ADGRL2: variants seen among roughly 807,000 people sequenced by gnomAD.
The protein encoded by ADGRL2 is adhesion G protein-coupled receptor L2, also known as calcium-independent alpha-latrotoxin receptor 2.
ADGRL2 carries 44 observed loss-of-function variants against 157.4 expected under a neutral mutation model. That is an observed-to-expected ratio of 0.28 (90% confidence interval 0.22 to 0.36). The LOEUF is 0.36. ADGRL2 is among the 10% of genes least tolerant of loss of function. ADGRL2 has a pLI of 1.00. For synonymous variants in ADGRL2, 585 were observed against 624.7 expected (o/e 0.94, Z 0.95); for missense variants, 1,510 against 1,768.9 (o/e 0.85, Z 2.63).
intron 2 of ADGRL2, among the ~76,000 whole-genome samples, chr1:81,545,734 A>G (rs1426836280): frequency 6.6e-6 from 1 of 152,208 alleles, no homozygotes; most frequent in Non-Finnish European, 1.5e-5. Context: ...AATTTTCCAA[A>G]GTTCACATGG....
chr1:81,317,423 G>A (rs549261904), intron 1 of ADGRL2, among the ~76,000 whole-genome samples: 4 of 152,216 alleles, frequency 2.6e-5, no homozygotes, highest in South Asian at 4.2e-4. Flanking sequence ...GTCTGATTGC[G>A]ATGGCATTCC....
At chr1:81,933,044 T>C (rs2095257545) in intron 3 of ADGRL2, among the ~76,000 whole-genome samples, 1 of 152,162 alleles carries the variant, frequency 6.6e-6, no homozygotes, top group South Asian at 2.1e-4. Flanking sequence ...ATAGTGGTGC[T>C]GTTGGTATGA....
intron 1 of ADGRL2, among the ~76,000 whole-genome samples, chr1:81,716,881 G>A (rs12129647): frequency 0.63 from 95,639 of 151,972 alleles, 30,353 homozygotes; most frequent in Non-Finnish European, 0.66. Flanking sequence ...CAACTCCACT[G>A]TATTCCATTT....
In ADGRL2 at chr1:81,315,485, T is replaced by C. The variant is rs1660042643; in HGVS notation, c.-302+8976T>C. Among the ~76,000 whole-genome samples the C allele has an allele frequency of 2.0e-5, 3 of 152,124 alleles. No homozygotes were observed. The South Asian group carries it at 6.2e-4, about 31-fold the overall frequency. On this transcript the variant is annotated intron_variant, in intron 1 of 24. Coordinates refer to the ADGRL2 transcript ENST00000370721. ...GAAATGACATAATGACAATTTTATC[T>C]CCAAAATAAAATAGTAAATTATAAT... is the stretch of plus-strand genomic sequence containing the variant.
rs527461744 is a variant in ADGRL2 at position 81,961,068 on chromosome 1, C to G, written c.2018-4990C>G. ...CTCTTTCCTCTCATTACAGCCACTA[C>G]TTGCTGAGGAATTTGCAAAATAGTA... On this transcript the variant is annotated intron_variant, in intron 11 of 23. Transcript: ENST00000686636. 1.0e-3 allele frequency among the ~76,000 whole-genome samples: 154 copies of G among 152,272 alleles called. 1 individual carries two copies. Among genetic ancestry groups the G allele is most frequent in the African/African-American group, 3.6e-3 (148 of 41,558 alleles).
intron 10 of ADGRL2, among the ~76,000 whole-genome samples, chr1:81,955,031 A>G (rs1653039476): frequency 6.6e-6 from 1 of 152,194 alleles, no homozygotes; most frequent in Non-Finnish European, 1.5e-5. Context: ...TACAGAGTGT[A>G]GGAGTATAAG....
At chr1:81,680,914 G>A (rs2083099577) in intron 3 of ADGRL2, among the ~76,000 whole-genome samples, 3 of 152,070 alleles carry the variant, frequency 2.0e-5, no homozygotes. Context: ...ATTTTTAAAA[G>A]GCAGAGATCC....
At chr1:81,602,956 A>G (rs1300737286) in intron 3 of ADGRL2, among the ~76,000 whole-genome samples, 1 of 151,818 alleles carries the variant, frequency 6.6e-6, no homozygotes, top group Non-Finnish European at 1.5e-5. Flanking sequence ...GAGAGACTGC[A>G]GTAACCACTG....
intron 2 of ADGRL2, among the ~76,000 whole-genome samples, chr1:81,562,642 T>G (rs1189729238): frequency 6.6e-6 from 1 of 152,094 alleles, no homozygotes; most frequent in African/African-American, 2.4e-5. Flanking sequence ...TATTTAAAAT[T>G]TTAGCAAATT....
At position 81,920,107 on chromosome 1, in the gene ADGRL2, C is replaced by G. The variant is rs372910178; in HGVS notation, c.287+12877C>G. Among the ~76,000 whole-genome samples, 90 of 152,204 alleles carry G rather than the reference C, an allele frequency of 5.9e-4. No homozygotes were observed. In the South Asian group the frequency reaches 0.017, roughly 29 times the overall value. ...CAAATAGCCGAGAGGTCTAATTGCT[C>G]TAGAGTTTGAGAAGCAATGGTTTTA... is the stretch of plus-strand genomic sequence containing the variant. On this transcript the variant is annotated intron_variant, in intron 3 of 23. Coordinates refer to ENST00000686636, the MANE Select transcript of ADGRL2 (RefSeq NM_001366006.2).
intron 2 of ADGRL2, among the ~76,000 whole-genome samples, chr1:81,471,359 A>T (rs928988636): frequency 6.6e-6 from 1 of 152,182 alleles, no homozygotes; most frequent in African/African-American, 2.4e-5. Flanking sequence ...TTTTTCATTC[A>T]GGAGATGTTT....
At chr1:81,405,777 C>T (rs926363622) in intron 1 of ADGRL2, among the ~76,000 whole-genome samples, 26 of 152,110 alleles carry the variant, frequency 1.7e-4, no homozygotes, top group African/African-American at 6.0e-4. Flanking sequence ...AGTCTCCACA[C>T]CTCCCCCAAA....
intron 1 of ADGRL2, among the ~76,000 whole-genome samples, chr1:81,320,956 C>T (rs914964194): frequency 1.3e-5 from 2 of 152,212 alleles, no homozygotes; most frequent in Non-Finnish European, 2.9e-5. Context: ...TAGTTAAGTC[C>T]TAGATGGCAT....
At chr1:81,448,206 T>G (rs2077637485) in intron 2 of ADGRL2, among the ~76,000 whole-genome samples, 1 of 145,830 alleles carries the variant, frequency 6.9e-6, no homozygotes, top group Non-Finnish European at 1.5e-5. Context: ...ATACAGTGGC[T>G]TAATCTCGGC....
chr1:81,879,888 T>C (rs1571875712), intron 2 of ADGRL2, among the ~76,000 whole-genome samples: 1 of 152,008 alleles, frequency 6.6e-6, no homozygotes, highest in East Asian at 1.9e-4. Flanking sequence ...TTAGCCGGGC[T>C]TGTTGGCACG....
intron 2 of ADGRL2, among the ~76,000 whole-genome samples, chr1:81,875,865 C>G (rs1221492562): frequency 6.6e-6 from 1 of 152,164 alleles, no homozygotes; most frequent in Non-Finnish European, 1.5e-5. Flanking sequence ...CCCCGTCTCT[C>G]TAATGCACAG....
At chr1:81,665,518 C>T (rs2082734625) in intron 3 of ADGRL2, among the ~76,000 whole-genome samples, 1 of 152,072 alleles carries the variant, frequency 6.6e-6, no homozygotes, top group Non-Finnish European at 1.5e-5. Context: ...TATATGTTGT[C>T]ACTGGAATGA....
chr1:81,924,613 A>G (rs1367320862), intron 3 of ADGRL2, among the ~76,000 whole-genome samples: 1 of 152,020 alleles, frequency 6.6e-6, no homozygotes, highest in African/African-American at 2.4e-5. Flanking sequence ...AGTATATTGC[A>G]CCTATATTAA....
chr1:81,533,567 T>C (rs2079658027), intron 2 of ADGRL2, among the ~76,000 whole-genome samples: 1 of 152,196 alleles, frequency 6.6e-6, no homozygotes, highest in African/African-American at 2.4e-5. Flanking sequence ...AGGCTTCTTT[T>C]CCTTGCAGTT....
Sources: allele counts gnomAD v4.1 joint callset (sites outside exome capture counted in the v4.1 genomes callset), GRCh38; gene constraint gnomAD v4.1.1; transcripts MANE v1.5; gene names NCBI Gene and HGNC (gene_info 2026-07-23, HGNC 2026-07-21).